Variants in CFAP46 observed in about 807,000 individuals in gnomAD.
CFAP46 encodes cilia- and flagella-associated protein 46.
CFAP46 carries 245 observed loss-of-function variants against 325.7 expected under a neutral mutation model. The ratio of observed to expected loss-of-function variants is 0.75; its 90% confidence interval spans 0.68 to 0.84. The LOEUF (loss-of-function observed/expected upper bound fraction) is 0.84. Ranked by LOEUF, CFAP46 falls within the 40% of genes least tolerant of loss-of-function variation. The probability of loss-of-function intolerance (pLI) is 0.00; values close to 1 mark genes in which losing one functional copy is unlikely to be tolerated. For missense variants in CFAP46, 3,346 were observed against 3,543.0 expected (o/e 0.94, Z 1.41); for synonymous variants, 1,523 against 1,495.9 (o/e 1.02, Z -0.42).
chr10:132,884,062 T>C lies in CFAP46; in HGVS notation c.3627+1041A>G, dbSNP rs2135387195. 6.6e-6 allele frequency among the ~76,000 whole-genome samples: 1 copy of C among 152,236 alleles called. No homozygotes were observed. The highest frequency in any genetic ancestry group is 3.4e-3 in the Middle Eastern group (1 of 294). ...TGAAGACAGAAAACACTTTCAAGGG[T>C]TTCTGCCCCGAGGCCCAGTGCAGCT... On this transcript the variant is annotated intron_variant, in intron 27 of 57. Transcript: ENST00000368586. The surrounding 1 kb of genome is among the most constrained non-coding windows in gnomAD (Gnocchi z 5.4).
intron 53 of CFAP46, 94 bp from the exon 54 acceptor site, chr10:132,814,348 A>T (rs988265050): frequency 2.7e-6 from 3 of 1,128,834 alleles, no homozygotes; most frequent in Non-Finnish European, 2.6e-6. Context: ...CAGCGAATGC[A>T]GGCGCATATA....
chr10:132,931,073 T>C (rs1206579297), intron 8 of CFAP46, among the ~76,000 whole-genome samples: 214 of 18,106 alleles, frequency 0.012, no homozygotes, highest in Middle Eastern at 0.083. Context: ...CTCCCTCCTC[T>C]CCACACAGAG....
chr10:132,823,991 GCTTGTT>G (rs1847965143), intron 50 of CFAP46, among the ~76,000 whole-genome samples: 1 of 88,440 alleles, frequency 1.1e-5, no homozygotes, highest in African/African-American at 5.4e-5. Flanking sequence ...TGTGTGTGCT[GCTTGTT>G]TGTGCTGTGT....
At chr10:132,911,273 C>T (rs1849537094) in intron 19 of CFAP46, among the ~76,000 whole-genome samples, 1 of 152,238 alleles carries the variant, frequency 6.6e-6, no homozygotes. Context: ...CCAGCCGTCC[C>T]CACTGGGAGC....
At chr10:132,921,970 A>G (rs1849730050) in intron 13 of CFAP46, 134 bp downstream of exon 13, 2 of 1,154,462 alleles carry the variant, frequency 1.7e-6, no homozygotes, top group Admixed American at 2.9e-5. Flanking sequence ...ATCGAAGGAC[A>G]CTGCCGGTGC....
intron 11 of CFAP46, among the ~76,000 whole-genome samples, chr10:132,923,675 A>T (rs1441054185): frequency 1.3e-5 from 2 of 152,188 alleles, no homozygotes; most frequent in African/African-American, 4.8e-5. Context: ...GCAGTTCTAG[A>T]CACAGCTGAG....
chr10:132,887,444 T>TC (rs1849163983), intron 25 of CFAP46, among the ~76,000 whole-genome samples: 1 of 109,258 alleles, frequency 9.2e-6, no homozygotes, highest in African/African-American at 3.5e-5. Flanking sequence ...TCCTCTCCCC[T>TC]CTTCTCTCTC....
chr10:132,864,372 C>G (rs1481006381), intron 35 of CFAP46, among the ~76,000 whole-genome samples: 2 of 123,704 alleles, frequency 1.6e-5, no homozygotes, highest in East Asian at 2.6e-4. Context: ...ACACCTGTCC[C>G]CAGTGCCTGA....
At chr10:132,934,935 T>C (rs370908431) in intron 7 of CFAP46, 73 bp from the exon 8 acceptor site, 160 of 965,098 alleles carry the variant, frequency 1.7e-4, no homozygotes, top group Middle Eastern at 2.8e-4. Flanking sequence ...AGAGAAACTC[T>C]GCGTGTATGA....
rs771061338 is a variant in CFAP46, at chr10:132,910,002, G to T, written c.2566C>A (p.Arg856=). ...ACCCAGGTGGCGATAAGCTGCTGCC[G>T]GGTGCCGGTGGGCACCGTCTCCTCG... is the stretch of plus-strand genomic sequence containing the variant. ...APEETVPTGT[R]QQLIATWVKA... is the part of the protein sequence containing the mutation. The change falls in exon 20 of 58, where the codon CGG becomes AGG. Residue 856 remains arginine (R), a synonymous_variant. Coordinates refer to ENST00000368586, the MANE Select transcript of CFAP46 (RefSeq NM_001200049.3). 6 of 1,542,710 alleles carry T rather than the reference G, an allele frequency of 3.9e-6. No homozygotes were observed. The highest frequency in any genetic ancestry group is 1.7e-4 in the Middle Eastern group (1 of 5,952).
intron 39 of CFAP46, among the ~76,000 whole-genome samples, chr10:132,851,958 C>G (rs1227657220): frequency 1.3e-5 from 2 of 151,614 alleles, no homozygotes; most frequent in African/African-American, 4.9e-5. Flanking sequence ...TGGTATGTTC[C>G]TCCATTTACT....
intron 44 of CFAP46, among the ~76,000 whole-genome samples, chr10:132,845,654 T>C (rs1848421643): frequency 6.6e-6 from 1 of 152,228 alleles, no homozygotes; most frequent in African/African-American, 2.4e-5. Context: ...TCCACAGACA[T>C]GTTTCTCAAG....
At chr10:132,937,806 C>T (rs1372463473) in intron 5 of CFAP46, 131 bp from the exon 6 acceptor site, 6 of 1,258,080 alleles carry the variant, frequency 4.8e-6, no homozygotes, top group Middle Eastern at 2.6e-4. Flanking sequence ...TCAGCTTCTT[C>T]AGCCAGAACC....
chr10:132,810,686 G>A (rs763258695), intron 56 of CFAP46, 197 bp from the exon 57 acceptor site: 31 of 729,872 alleles, frequency 4.2e-5, no homozygotes, highest in Admixed American at 8.0e-5. Context: ...CAGGATGGCC[G>A]CCTCAACGGG....
Position 132,814,152 on chromosome 10 carries a change from C to G in CFAP46, c.7388G>C (p.Ser2463Thr), listed in dbSNP as rs547971765. 5 of 1,613,424 alleles carry G rather than the reference C, an allele frequency of 3.1e-6. No homozygotes were observed. Among genetic ancestry groups the G allele is most frequent in the Non-Finnish European group, 4.2e-6 (5 of 1,179,662 alleles). Residue 2463 changes from serine (S) to threonine (T), a missense_variant and splice_region_variant, in exon 54 of 58, where the codon AGC becomes ACC. By Grantham distance (58) the Ser-to-Thr change is moderately conservative (BLOSUM62 1). Transcript: ENST00000368586. ...AGHLGSKHFP[S>T]QAQWEQALGS... is the part of the protein sequence containing the mutation. The stretch of plus-strand genomic sequence containing the variant: ...GGCTCCTGGGAGCCCAGATCCGAAC[C>G]TGGGAAAGTGCTTGCTTCCCAGATG...
chr10:132,810,661 G>A (rs776050007), intron 56 of CFAP46, 172 bp from the exon 57 acceptor site: 6 of 743,664 alleles, frequency 8.1e-6, no homozygotes, highest in African/African-American at 3.5e-5. Flanking sequence ...TGCTCTTGAC[G>A]CCCACCAGGC....
chr10:132,848,422 T>G (rs1452696757), intron 41 of CFAP46, among the ~76,000 whole-genome samples: 3 of 151,890 alleles, frequency 2.0e-5, no homozygotes, highest in Non-Finnish European at 1.5e-5. Flanking sequence ...GCGGCAGCAC[T>G]GGTGAGTCGG....
chr10:132,809,034 T>G, intron 57 of CFAP46, 130 bp from the exon 58 acceptor site: 2 of 952,154 alleles, frequency 2.1e-6, no homozygotes, highest in Non-Finnish European at 3.1e-6. Flanking sequence ...CACACTGCCA[T>G]TCGCCAGGCC....
At chr10:132,899,774 T>C (rs566200773) in intron 22 of CFAP46, 108 bp from the exon 23 acceptor site, 5 of 1,286,532 alleles carry the variant, frequency 3.9e-6, no homozygotes, top group East Asian at 5.2e-5. Context: ...TATTCTAAGA[T>C]GGGGCACCTC....
Sources: allele counts gnomAD v4.1 joint callset (sites outside exome capture counted in the v4.1 genomes callset), GRCh38; gene constraint gnomAD v4.1.1; non-coding constraint Gnocchi (gnomAD v3.1); transcripts MANE v1.5; gene names NCBI Gene and HGNC (gene_info 2026-07-23, HGNC 2026-07-21).